The following KIAA0586 variants were observed in gnomAD, a reference collection of about 807,000 sequenced individuals.
The protein encoded by KIAA0586 is protein TALPID3.
In KIAA0586, 144 loss-of-function variants were observed where a neutral mutation model predicts 169.8. The ratio of observed to expected loss-of-function variants is 0.85; its 90% confidence interval spans 0.74 to 0.97. The LOEUF is 0.97. Among genes scored for constraint, KIAA0586 ranks in the 50% least tolerant of loss-of-function variants. The pLI is 0.00. For missense variants in KIAA0586, 1,854 were observed against 1,823.0 expected, an observed-to-expected ratio of 1.02 and a Z score of -0.31; for synonymous variants, 625 against 612.4, an observed-to-expected ratio of 1.02 and a Z score of -0.30.
intron 11 of KIAA0586, 142 bp from the exon 12 acceptor site, chr14:58,458,331 T>A (rs2040042795): frequency 6.9e-6 from 4 of 577,870 alleles, no homozygotes; most frequent in Non-Finnish European, 1.2e-5. Flanking sequence ...AGGCCCCCAT[T>A]CTACTATCCT....
At chr14:58,488,470 C>G (rs180983876) in intron 23 of KIAA0586, 151 bp from the exon 24 acceptor site, 1 of 847,410 alleles carries the variant, frequency 1.2e-6, no homozygotes, top group Non-Finnish European at 1.8e-6. Flanking sequence ...AGCATGAAAA[C>G]AACTTTTAAA....
At chr14:58,470,874 C>T (rs2041163209) in intron 17 of KIAA0586, among the ~76,000 whole-genome samples, 151 bp downstream of exon 17, 1 of 150,428 alleles carries the variant, frequency 6.6e-6, no homozygotes, top group Admixed American at 6.6e-5. Flanking sequence ...TTTTTTCAGT[C>T]AGAGTCTTGC....
At chr14:58,551,402 C>T (rs1210132920), downstream of KIAA0586, 1 of 152,096 alleles carries the variant, frequency 6.6e-6, no homozygotes, top group Non-Finnish European at 1.5e-5. Flanking sequence ...TAACTCAAAA[C>T]ATTTTAAAAA....
rs768446242 is a variant in KIAA0586, at chr14:58,487,040, C to A, written c.3178C>A (p.Pro1060Thr). The change falls in exon 22 of 31, where the codon CCT becomes ACT. Residue 1060 changes from proline (P) to threonine (T), a missense_variant. Transcript: ENST00000652326. Reference sequence around the variant, plus strand: ...GTGCACCCCACTGCCTACCCCACAGCCTACGCCTCCTTGCTCACCTTCATC... The same window carrying A: ...GTGCACCCCACTGCCTACCCCACAGACTACGCCTCCTTGCTCACCTTCATC... ...RVCTPLPTPQ[P>T]TPPCSPSSPA... The A allele has an allele frequency of 1.1e-5, 17 of 1,613,106 alleles. No homozygotes were observed. Among genetic ancestry groups the A allele is most frequent in the Non-Finnish European group, 1.3e-5 (15 of 1,179,282 alleles).
chr14:58,472,428 G>T, intron 18 of KIAA0586, 149 bp downstream of exon 18: 2 of 431,960 alleles, frequency 4.6e-6, no homozygotes. Flanking sequence ...AAATTATAAA[G>T]TTGTTATTCT....
At chr14:58,555,241 C>T (rs1369360053), downstream of KIAA0586, among the ~76,000 whole-genome samples, 1 of 151,748 alleles carries the variant, frequency 6.6e-6, no homozygotes, top group Non-Finnish European at 1.5e-5. Flanking sequence ...ACTGGGATTA[C>T]AGGGCCCCAC....
chr14:58,474,747 G>A lies in KIAA0586; in HGVS notation c.2775G>A (p.Leu925=). 1 of 1,611,144 alleles carries A rather than the reference G, an allele frequency of 6.2e-7. No homozygotes were observed. Among genetic ancestry groups the A allele is most frequent in the Non-Finnish European group, 8.5e-7 (1 of 1,179,064 alleles). ...CTTTTCAGCCCACTGCTGATATTCTGGATAAAGTAATTGAGAGAAAAGAAA... is the reference window on the plus strand; with the variant it reads ...CTTTTCAGCCCACTGCTGATATTCTAGATAAAGTAATTGAGAGAAAAGAAA... The part of the protein sequence containing the change: ...ASTFQPTADI[L]DKVIERKETL... The change falls in exon 19 of 31, where the codon CTG becomes CTA. Residue 925 remains leucine (L), a synonymous_variant. Transcript: ENST00000652326.
chr14:58,500,569 G>A (rs918430566), intron 27 of KIAA0586, among the ~76,000 whole-genome samples: 5 of 152,168 alleles, frequency 3.3e-5, no homozygotes, highest in Admixed American at 3.3e-4. Flanking sequence ...GCCGGGCATA[G>A]TGGCAGATGC....
Position 58,490,187 on chromosome 14 carries a change from C to A in KIAA0586, c.3805C>A (p.Leu1269Met), listed in dbSNP as rs377000129. 2.0e-6 allele frequency: 3 copies of A among 1,520,074 alleles called. No homozygotes were observed. The highest frequency in any genetic ancestry group is 2.4e-5 in the East Asian group (1 of 41,078). 94.2% of individuals were successfully genotyped at this position (1,520,074 alleles called of 1,614,324 possible). A position where few individuals can be genotyped will look rare whatever the true frequency, so the allele number is the denominator to read the frequency against. ...AGTTTTAGAAGATATAGGACTGTACCTGACAAACCTTAATGATAGCTTATC... is the reference window on the plus strand; with the variant it reads ...AGTTTTAGAAGATATAGGACTGTACATGACAAACCTTAATGATAGCTTATC... The part of the protein sequence containing the change: ...PKILEDIGLY[L>M]TNLNDSLSST... Residue 1269 changes from leucine (L) to methionine (M), a missense_variant, in exon 25 of 31, where the codon CTG (leucine) becomes ATG (methionine). Transcript: ENST00000652326.
rs762128829 is a variant in KIAA0586 at position 58,448,412 on chromosome 14, G to A, written c.880G>A (p.Glu294Lys). ...TAGTATGCCCTCCTCCAGAGCAGTG[G>A]AAAAGTATTCCGTAAAACCAGAACA... ...PVSMPSSRAV[E>K]KYSVKPEHPN... Residue 294 changes from glutamate (E) to lysine (K), a missense_variant, in exon 7 of 31, where the codon GAA (glutamate) becomes AAA (lysine). Transcript: ENST00000652326. 3 of 1,610,706 alleles carry A rather than the reference G, an allele frequency of 1.9e-6. No homozygotes were observed. The South Asian group carries it at 3.3e-5, about 18-fold the overall frequency.
chr14:58,488,533 A>C (rs1270018268), intron 23 of KIAA0586, 88 bp from the exon 24 acceptor site: 2 of 1,437,704 alleles, frequency 1.4e-6, no homozygotes, highest in Non-Finnish European at 1.9e-6. Flanking sequence ...GCTAAAGGAG[A>C]CATAGTCTTC....
At chr14:58,533,404 A>T (rs911857444) in intron 29 of KIAA0586, among the ~76,000 whole-genome samples, 1 of 152,242 alleles carries the variant, frequency 6.6e-6, no homozygotes, top group Non-Finnish European at 1.5e-5. Context: ...AAGAATTAGA[A>T]ATCAAAACTT....
intron 8 of KIAA0586, among the ~76,000 whole-genome samples, chr14:58,452,646 A>G (rs1362886261): frequency 6.6e-6 from 1 of 152,154 alleles, no homozygotes; most frequent in Non-Finnish European, 1.5e-5. Flanking sequence ...TTTTTCTGTG[A>G]TGGAAATAAA....
downstream of KIAA0586, among the ~76,000 whole-genome samples, chr14:58,555,099 CTTTTTTTTTTTT>C (rs35845234): frequency 9.8e-6 from 1 of 102,560 alleles, no homozygotes; most frequent in Non-Finnish European, 1.8e-5. Flanking sequence ...TTCTTTCTTT[CTTTTTTTTTTTT>C]TTTTTTTTTG....
At chr14:58,448,021 C>G (rs1473073674) in intron 6 of KIAA0586, among the ~76,000 whole-genome samples, 1 of 152,126 alleles carries the variant, frequency 6.6e-6, no homozygotes, top group East Asian at 1.9e-4. Flanking sequence ...GCCTCTCCTT[C>G]CTGGTCTTCT....
intron 27 of KIAA0586, among the ~76,000 whole-genome samples, chr14:58,501,136 G>A (rs2043540404): frequency 6.6e-6 from 1 of 152,182 alleles, no homozygotes; most frequent in South Asian, 2.1e-4. Flanking sequence ...ACTTCTGGAG[G>A]CATGCAGATT....
intron 21 of KIAA0586, among the ~76,000 whole-genome samples, chr14:58,485,079 A>G (rs958665334): frequency 6.8e-5 from 10 of 146,478 alleles, no homozygotes; most frequent in Non-Finnish European, 6.0e-5. Flanking sequence ...GCCCGCCACC[A>G]CACCCAGCTA....
chr14:58,490,900 T>C (rs1377926277), intron 25 of KIAA0586, among the ~76,000 whole-genome samples: 1 of 152,138 alleles, frequency 6.6e-6, no homozygotes, highest in Non-Finnish European at 1.5e-5. Context: ...TTTTAAAGCA[T>C]TGTTGCTGTT....
intron 29 of KIAA0586, among the ~76,000 whole-genome samples, chr14:58,518,502 A>G (rs910535507): frequency 1.1e-4 from 17 of 152,236 alleles, no homozygotes; most frequent in Non-Finnish European, 2.4e-4. Flanking sequence ...TTTCTTTTTT[A>G]GATTTCAGAA....
Sources: allele counts gnomAD v4.1 joint callset (sites outside exome capture counted in the v4.1 genomes callset), GRCh38; gene constraint gnomAD v4.1.1; transcripts MANE v1.5; gene names NCBI Gene and HGNC (gene_info 2026-07-23, HGNC 2026-07-21).